Variants in PRKG1 observed in about 807,000 individuals in gnomAD.
PRKG1 encodes the protein cGMP-dependent protein kinase 1.
In PRKG1, 35 loss-of-function variants were observed where a neutral mutation model predicts 88.1. That is an observed-to-expected ratio of 0.40 (90% CI 0.30 to 0.53). PRKG1 has a LOEUF of 0.53. Ranked by LOEUF, PRKG1 falls within the 20% of genes least tolerant of loss-of-function variation. The probability of loss-of-function intolerance (pLI) is 0.59; values close to 1 mark genes in which losing one functional copy is unlikely to be tolerated. For synonymous variants in PRKG1, 303 were observed against 292.5 expected, an observed-to-expected ratio of 1.04 and a Z score of -0.37; for missense variants, 540 against 839.8, an observed-to-expected ratio of 0.64 and a Z score of 4.41.
At chr10:51,268,934 C>A (rs114962569) in intron 2 of PRKG1, among the ~76,000 whole-genome samples, 253 of 152,252 alleles carry the variant, frequency 1.7e-3, no homozygotes, top group Non-Finnish European at 3.1e-3. Flanking sequence ...TCACCATCCA[C>A]GTTCTTCTGC....
intron 1 of PRKG1, among the ~76,000 whole-genome samples, chr10:51,026,302 A>G (rs762113894): frequency 2.0e-5 from 3 of 152,176 alleles, no homozygotes; most frequent in Non-Finnish European, 2.9e-5. Context: ...AGAGGGGAAT[A>G]AACATCCTGT....
At chr10:51,578,326 A>G (rs1334969068) in intron 3 of PRKG1, among the ~76,000 whole-genome samples, 1 of 152,086 alleles carries the variant, frequency 6.6e-6, no homozygotes, top group Non-Finnish European at 1.5e-5. Context: ...TTCACAAACC[A>G]TACTATTTTT....
At chr10:51,783,874 T>A (rs1445461882) in intron 3 of PRKG1, among the ~76,000 whole-genome samples, 1 of 152,166 alleles carries the variant, frequency 6.6e-6, no homozygotes, top group Non-Finnish European at 1.5e-5. Context: ...TATAGGAAAG[T>A]GTGTGATGTG....
At chr10:51,470,974 A>G (rs78669940) in intron 3 of PRKG1, among the ~76,000 whole-genome samples, 22 of 152,028 alleles carry the variant, frequency 1.4e-4, no homozygotes, top group African/African-American at 4.8e-4. Flanking sequence ...TAATATTTTT[A>G]AAAAATCAAA....
chr10:51,172,820 A>G (rs1205541792), intron 2 of PRKG1, among the ~76,000 whole-genome samples: 1 of 152,066 alleles, frequency 6.6e-6, no homozygotes, highest in Non-Finnish European at 1.5e-5. Context: ...TCAAATATAC[A>G]TTCTTAATTT....
chr10:51,507,703 A>G (rs1448985217), intron 3 of PRKG1, among the ~76,000 whole-genome samples: 1 of 151,920 alleles, frequency 6.6e-6, no homozygotes, highest in Admixed American at 6.6e-5. Context: ...TCCACTTCCC[A>G]CCCCAGTACT....
At chr10:51,619,827 G>A (rs919044660) in intron 3 of PRKG1, among the ~76,000 whole-genome samples, 12 of 152,136 alleles carry the variant, frequency 7.9e-5, no homozygotes, top group African/African-American at 2.6e-4. Context: ...CCTTATTTTT[G>A]ATGTTTCCAA....
At chr10:52,287,065 T>C (rs1471075635) in intron 14 of PRKG1, among the ~76,000 whole-genome samples, 4 of 152,006 alleles carry the variant, frequency 2.6e-5, no homozygotes, top group Admixed American at 2.6e-4. Context: ...TATTTAATAA[T>C]TGATTTTAGT....
Position 51,379,946 on chromosome 10 carries a change from C to T in PRKG1, c.479-87777C>T, listed in dbSNP as rs1837031500. ...GGCTAAAATAAGTAGACTGAGGCAT[C>T]TTATACACAGACTAAAACTAATATT... On this transcript the variant is annotated intron_variant, in intron 2 of 17. Transcript: ENST00000373980. 2.6e-5 allele frequency among the ~76,000 whole-genome samples: 4 copies of T among 152,158 alleles called. No individual in the cohort carries two copies. In the South Asian group the frequency reaches 8.3e-4, roughly 32 times the overall value.
At chr10:51,129,995 G>C (rs1191701090) in intron 1 of PRKG1, among the ~76,000 whole-genome samples, 1 of 152,054 alleles carries the variant, frequency 6.6e-6, no homozygotes, top group Non-Finnish European at 1.5e-5. Flanking sequence ...AGATTTTAGG[G>C]AAGAGATGAC....
chr10:51,777,138 A>G (rs763038078), intron 3 of PRKG1, among the ~76,000 whole-genome samples: 2 of 152,120 alleles, frequency 1.3e-5, no homozygotes, highest in Non-Finnish European at 2.9e-5. Flanking sequence ...ATAGTAGTCT[A>G]ATTTGTACTG....
At chr10:51,230,799 C>G (rs1838824470) in intron 2 of PRKG1, among the ~76,000 whole-genome samples, 1 of 150,712 alleles carries the variant, frequency 6.6e-6, no homozygotes, top group Non-Finnish European at 1.5e-5. Context: ...AAAAAAAAAG[C>G]CTGCACATGT....
chr10:52,057,304 A>G (rs1048724395), intron 6 of PRKG1, among the ~76,000 whole-genome samples: 2 of 152,304 alleles, frequency 1.3e-5, no homozygotes, highest in Non-Finnish European at 2.9e-5. Flanking sequence ...TTCCCCCATT[A>G]AGCCTGTGCT....
chr10:52,166,430 ATTT>A (rs71032627), intron 9 of PRKG1, among the ~76,000 whole-genome samples: 6 of 105,664 alleles, frequency 5.7e-5, no homozygotes, highest in Admixed American at 1.2e-4. Context: ...TTTGAATATA[ATTT>A]TTTTTTTTTT....
At chr10:51,802,787 G>A (rs1001579537) in intron 3 of PRKG1, among the ~76,000 whole-genome samples, 2 of 152,166 alleles carry the variant, frequency 1.3e-5, no homozygotes, top group African/African-American at 4.8e-5. Context: ...TCATAGGACA[G>A]GAAGGGACCA....
At chr10:51,206,784 A>G (rs1430001737) in intron 2 of PRKG1, among the ~76,000 whole-genome samples, 1 of 152,202 alleles carries the variant, frequency 6.6e-6, no homozygotes, top group Non-Finnish European at 1.5e-5. Flanking sequence ...ACTCAACTGC[A>G]GTTATAGCTT....
intron 3 of PRKG1, among the ~76,000 whole-genome samples, chr10:51,548,866 A>C (rs1162393538): frequency 6.6e-6 from 1 of 152,058 alleles, no homozygotes; most frequent in African/African-American, 2.4e-5. Flanking sequence ...ATCTTGTATG[A>C]ATCTCAGGTA....
intron 7 of PRKG1, among the ~76,000 whole-genome samples, chr10:52,086,693 C>T (rs1017945047): frequency 2.6e-5 from 4 of 152,092 alleles, no homozygotes; most frequent in East Asian, 1.9e-4. Context: ...TTTAGTGCTC[C>T]GTTGTGTTTA....
At chr10:51,911,728 G>GC (rs1842221330) in intron 5 of PRKG1, among the ~76,000 whole-genome samples, 1 of 152,198 alleles carries the variant, frequency 6.6e-6, no homozygotes, top group African/African-American at 2.4e-5. Context: ...ATCAGATAAA[G>GC]TGAAGCAAAT....
Sources: gnomAD v4.1 joint callset for allele counts (sites outside exome capture counted in the v4.1 genomes callset) on GRCh38, gnomAD v4.1.1 for gene constraint, MANE v1.5 for transcripts, NCBI Gene and HGNC (gene_info 2026-07-23, HGNC 2026-07-21) for gene names.